Variants in RASAL2 observed in about 807,000 individuals in gnomAD.
RASAL2 encodes the protein RAS protein activator like 2.
In RASAL2, 58 loss-of-function variants were observed where a neutral mutation model predicts 128.9. That is an observed-to-expected ratio of 0.45 (90% CI 0.36 to 0.56). RASAL2 has a LOEUF of 0.56. Among genes scored for constraint, RASAL2 ranks in the 20% least tolerant of loss-of-function variants. The pLI, the probability that RASAL2 is intolerant of heterozygous loss-of-function variation, is 0.00. For synonymous variants in RASAL2, 561 were observed against 580.8 expected (o/e 0.97, Z 0.49); for missense variants, 1,360 against 1,601.6 (o/e 0.85, Z 2.57).
intron 1 of RASAL2, among the ~76,000 whole-genome samples, chr1:178,140,307 T>A (rs1049683901): frequency 1.3e-5 from 2 of 152,226 alleles, no homozygotes; most frequent in African/African-American, 2.4e-5. Context: ...TTTGGTACAT[T>A]TGTTGCAGTT....
chr1:178,274,297 T>C (rs1666394616), intron 1 of RASAL2, among the ~76,000 whole-genome samples: 1 of 152,144 alleles, frequency 6.6e-6, no homozygotes, highest in African/African-American at 2.4e-5. Context: ...CCACAAAGAA[T>C]CACATTCCTT....
At chr1:178,312,914 A>G (rs1337230928) in intron 3 of RASAL2, among the ~76,000 whole-genome samples, 6 of 152,294 alleles carry the variant, frequency 3.9e-5, no homozygotes, top group Admixed American at 3.9e-4. Flanking sequence ...ACATATATGA[A>G]TTTTTTAATC....
chr1:178,191,493 G>A (rs1409901644), intron 1 of RASAL2, among the ~76,000 whole-genome samples: 6 of 152,176 alleles, frequency 3.9e-5, no homozygotes. Context: ...GTAACAGTTT[G>A]TGGATCATCA....
At chr1:178,155,247 T>C (rs1458627298) in intron 1 of RASAL2, among the ~76,000 whole-genome samples, 1 of 152,202 alleles carries the variant, frequency 6.6e-6, no homozygotes, top group Non-Finnish European at 1.5e-5. Context: ...TGTAATATTC[T>C]AAAATTCTTG....
intron 3 of RASAL2, among the ~76,000 whole-genome samples, chr1:178,324,280 C>A (rs777384728): frequency 3.9e-5 from 6 of 152,164 alleles, no homozygotes; most frequent in Non-Finnish European, 8.8e-5. Context: ...TGAAGCTGGT[C>A]ATAGTAGCTC....
chr1:178,287,217 A>G (rs1276742426), intron 2 of RASAL2, among the ~76,000 whole-genome samples: 1 of 151,526 alleles, frequency 6.6e-6, no homozygotes, highest in Non-Finnish European at 1.5e-5. Context: ...AGCTTAATGT[A>G]TCTGGAGAAA....
At chr1:178,421,013 A>G (rs1324324492) in intron 5 of RASAL2, among the ~76,000 whole-genome samples, 1 of 152,194 alleles carries the variant, frequency 6.6e-6, no homozygotes, top group African/African-American at 2.4e-5. Flanking sequence ...TTTCATCTTT[A>G]TAATAACCGT....
chr1:178,289,468 A>T (rs1253454224), intron 2 of RASAL2, among the ~76,000 whole-genome samples: 1 of 152,010 alleles, frequency 6.6e-6, no homozygotes, highest in Non-Finnish European at 1.5e-5. Flanking sequence ...TATATCTTAA[A>T]ACTACATATC....
chr1:178,339,730 G>T (rs1447342148), intron 3 of RASAL2, among the ~76,000 whole-genome samples: 1 of 152,064 alleles, frequency 6.6e-6, no homozygotes, highest in Non-Finnish European at 1.5e-5. Context: ...TAAAGAGTTG[G>T]GTAGGGTTGT....
intron 1 of RASAL2, among the ~76,000 whole-genome samples, chr1:178,228,745 G>C (rs189242281): frequency 3.2e-3 from 480 of 152,148 alleles, no homozygotes; most frequent in Non-Finnish European, 4.8e-3. Flanking sequence ...TCTATTCCCA[G>C]TTTGCAACTT....
chr1:178,204,129 A>G (rs1286483674), intron 1 of RASAL2, among the ~76,000 whole-genome samples: 1 of 152,230 alleles, frequency 6.6e-6, no homozygotes, highest in Admixed American at 6.5e-5. Flanking sequence ...ATATTTGTAC[A>G]TTTATACACT....
intron 1 of RASAL2, among the ~76,000 whole-genome samples, chr1:178,243,567 C>T (rs757803936): frequency 7.9e-5 from 12 of 151,404 alleles, no homozygotes; most frequent in Middle Eastern, 3.4e-3. Context: ...CCATCATTAC[C>T]CCTTGCTAGT....
chr1:178,152,725 C>T (rs577598273), intron 1 of RASAL2, among the ~76,000 whole-genome samples: 9 of 152,118 alleles, frequency 5.9e-5, no homozygotes, highest in Admixed American at 1.3e-4. Flanking sequence ...TTTATACATA[C>T]ACAAAAGTGG....
chr1:178,163,600 C>T (rs958609667), intron 1 of RASAL2, among the ~76,000 whole-genome samples: 4 of 152,098 alleles, frequency 2.6e-5, no homozygotes, highest in Non-Finnish European at 5.9e-5. Flanking sequence ...AAATCGATTG[C>T]TCACAAATTT....
intron 3 of RASAL2, among the ~76,000 whole-genome samples, chr1:178,336,977 T>G (rs1208388651): frequency 2.0e-5 from 3 of 152,124 alleles, no homozygotes; most frequent in Non-Finnish European, 4.4e-5. Context: ...TGAACTGTGG[T>G]CTTGTTCACA....
At chr1:178,281,251 A>G (rs1209254538) in intron 1 of RASAL2, among the ~76,000 whole-genome samples, 1 of 151,944 alleles carries the variant, frequency 6.6e-6, no homozygotes, top group East Asian at 1.9e-4. Context: ...TTTTTTTAAT[A>G]TAGAAGCATT....
chr1:178,115,470 G>A (rs771673791), intron 1 of RASAL2, among the ~76,000 whole-genome samples: 7 of 152,192 alleles, frequency 4.6e-5, no homozygotes, highest in Non-Finnish European at 8.8e-5. Flanking sequence ...AAGACCAAAA[G>A]GGTGAATAGG....
intron 3 of RASAL2, 38 bp from the exon 4 acceptor site, chr1:178,390,062 G>A: frequency 1.4e-6 from 2 of 1,400,936 alleles, no homozygotes; most frequent in South Asian, 1.2e-5. Flanking sequence ...TAAATTTGGG[G>A]TTCTTAATGA....
At chr1:178,321,065 T>C (rs1668747283) in intron 3 of RASAL2, among the ~76,000 whole-genome samples, 1 of 152,188 alleles carries the variant, frequency 6.6e-6, no homozygotes, top group Non-Finnish European at 1.5e-5. Context: ...AAGTACTTTA[T>C]CTGTGCACAA....
Sources: gnomAD v4.1 joint callset for allele counts (sites outside exome capture counted in the v4.1 genomes callset) on GRCh38, gnomAD v4.1.1 for gene constraint, MANE v1.5 for transcripts, NCBI Gene and HGNC (gene_info 2026-07-23, HGNC 2026-07-21) for gene names.